CCDC178: variants seen among roughly 807,000 people sequenced by gnomAD.
CCDC178 encodes coiled-coil domain-containing protein 178.
Under a neutral mutation model 117.4 loss-of-function variants are expected in CCDC178, and 126 were observed. The observed-to-expected ratio is 1.07, with a 90% CI of 0.93 to 1.24. The LOEUF (loss-of-function observed/expected upper bound fraction) is 1.24, where lower values mean the gene tolerates loss of function less well. Ranked by LOEUF, CCDC178 falls within the 50% of genes most tolerant of loss-of-function variation. The pLI, the probability that CCDC178 is intolerant of heterozygous loss-of-function variation, is 0.00. For missense variants in CCDC178, 1,030 were observed against 986.9 expected (o/e 1.04, Z -0.59); for synonymous variants, 283 against 313.4 (o/e 0.90, Z 1.02).
intron 12 of CCDC178, among the ~76,000 whole-genome samples, chr18:33,273,869 AG>A (rs1004439160): frequency 2.0e-5 from 3 of 151,768 alleles, no homozygotes; most frequent in Non-Finnish European, 3.0e-5. Context: ...TAGATAAATA[AG>A]ACTCCATCAA....
chr18:33,423,420 A>C (rs1289761624), intron 2 of CCDC178, among the ~76,000 whole-genome samples: 1 of 152,170 alleles, frequency 6.6e-6, no homozygotes, highest in East Asian at 1.9e-4. Context: ...AGGTGTATTC[A>C]TGTCACCACA....
chr18:33,355,074 T>G (rs745559098), intron 7 of CCDC178, among the ~76,000 whole-genome samples: 5 of 152,248 alleles, frequency 3.3e-5, no homozygotes, highest in Non-Finnish European at 7.3e-5. Context: ...GTCCAAATTT[T>G]GGGTTCCCTT....
intron 14 of CCDC178, among the ~76,000 whole-genome samples, chr18:33,263,448 A>G (rs538616199): frequency 1.2e-4 from 18 of 152,198 alleles, no homozygotes; most frequent in Non-Finnish European, 2.6e-4. Flanking sequence ...ACACTTTTAT[A>G]CAGCTATTTA....
chr18:33,090,956 G>A (rs1017730176), intron 21 of CCDC178, among the ~76,000 whole-genome samples: 1 of 152,044 alleles, frequency 6.6e-6, no homozygotes, highest in African/African-American at 2.4e-5. Flanking sequence ...TGATGTTAGG[G>A]CTTTCTCTTA....
chr18:33,118,077 C>T (rs2057884065), intron 20 of CCDC178, among the ~76,000 whole-genome samples: 1 of 152,042 alleles, frequency 6.6e-6, no homozygotes, highest in African/African-American at 2.4e-5. Flanking sequence ...TTTTTTCTGA[C>T]TAGTGAATTC....
intron 22 of CCDC178, chr18:32,938,294 A>G: frequency 2.0e-6 from 1 of 496,962 alleles, no homozygotes. Flanking sequence ...TCTAAAAATT[A>G]AAGTCCAACT....
At chr18:33,176,828 A>G (rs567454370) in intron 20 of CCDC178, among the ~76,000 whole-genome samples, 201 of 152,216 alleles carry the variant, frequency 1.3e-3, no homozygotes, top group Non-Finnish European at 2.3e-3. Context: ...AGCTGTTGAC[A>G]TAGGAGAAAA....
chr18:33,192,498 A>C (rs2058871148), intron 20 of CCDC178, among the ~76,000 whole-genome samples: 1 of 152,226 alleles, frequency 6.6e-6, no homozygotes, highest in Non-Finnish European at 1.5e-5. Context: ...GCACTCTGAT[A>C]GGCATCGGAG....
At chr18:33,121,494 A>G (rs1485834208) in intron 20 of CCDC178, among the ~76,000 whole-genome samples, 3 of 152,188 alleles carry the variant, frequency 2.0e-5, no homozygotes, top group African/African-American at 7.2e-5. Flanking sequence ...ACATAGACAC[A>G]GATATAGACA....
intron 12 of CCDC178, among the ~76,000 whole-genome samples, chr18:33,269,894 T>C (rs1188048595): frequency 6.6e-6 from 1 of 151,784 alleles, no homozygotes; most frequent in African/African-American, 2.4e-5. Flanking sequence ...AATTAGTCAA[T>C]AGAAATTATC....
chr18:33,084,534 C>A (rs1027018634), intron 21 of CCDC178, among the ~76,000 whole-genome samples: 1 of 151,984 alleles, frequency 6.6e-6, no homozygotes, highest in African/African-American at 2.4e-5. Context: ...GATTAACGGC[C>A]GAGCACAGTG....
chr18:33,177,193 C>T (rs902639744), intron 20 of CCDC178, among the ~76,000 whole-genome samples: 4 of 151,620 alleles, frequency 2.6e-5, no homozygotes, highest in Admixed American at 6.6e-5. Context: ...CATCACACAC[C>T]GGGGGACTGT....
chr18:33,137,190 T>C (rs1177422791), intron 20 of CCDC178, among the ~76,000 whole-genome samples: 3 of 152,206 alleles, frequency 2.0e-5, no homozygotes, highest in African/African-American at 7.2e-5. Context: ...TAGTCTCTCA[T>C]TGGAACACAT....
intron 6 of CCDC178, among the ~76,000 whole-genome samples, chr18:33,369,589 AC>A (rs1243544494): frequency 6.6e-6 from 1 of 152,010 alleles, no homozygotes; most frequent in African/African-American, 2.4e-5. Flanking sequence ...ATAAAGGCAA[AC>A]TTTTAACAGG....
At chr18:33,045,748 G>A (rs2056630452) in intron 21 of CCDC178, among the ~76,000 whole-genome samples, 1 of 152,126 alleles carries the variant, frequency 6.6e-6, no homozygotes, top group Non-Finnish European at 1.5e-5. Flanking sequence ...TAGCTTAGTA[G>A]TTACCAGTTT....
intron 20 of CCDC178, among the ~76,000 whole-genome samples, chr18:33,179,968 T>C (rs1473973532): frequency 2.0e-5 from 3 of 152,026 alleles, no homozygotes; most frequent in African/African-American, 7.2e-5. Context: ...TATATTACGC[T>C]GCAAATATCT....
intron 21 of CCDC178, among the ~76,000 whole-genome samples, chr18:32,985,160 G>A (rs573272855): frequency 9.8e-4 from 149 of 151,944 alleles, no homozygotes; most frequent in African/African-American, 3.5e-3. Flanking sequence ...AAGAAATATA[G>A]TATATTTTTA....
At chr18:33,053,989 T>C (rs1217053525) in intron 21 of CCDC178, among the ~76,000 whole-genome samples, 1 of 152,172 alleles carries the variant, frequency 6.6e-6, no homozygotes, top group Non-Finnish European at 1.5e-5. Context: ...CTATTTATGC[T>C]CTAAAACTTA....
At chr18:33,016,868 T>C (rs2056002571) in intron 21 of CCDC178, among the ~76,000 whole-genome samples, 1 of 151,892 alleles carries the variant, frequency 6.6e-6, no homozygotes, top group Non-Finnish European at 1.5e-5. Context: ...TAAAAACATT[T>C]AGAAAAACTT....
Sources: allele counts gnomAD v4.1 joint callset (sites outside exome capture counted in the v4.1 genomes callset), GRCh38; gene constraint gnomAD v4.1.1; transcripts MANE v1.5; gene names NCBI Gene and HGNC (gene_info 2026-07-23, HGNC 2026-07-21).